SPINDOC: variants seen among roughly 807,000 people sequenced by gnomAD.
The protein encoded by SPINDOC is spindlin interactor and repressor of chromatin-binding protein.
SPINDOC carries 13 observed loss-of-function variants against 30.7 expected under a neutral mutation model. The observed-to-expected ratio is 0.42, with a 90% CI of 0.28 to 0.67. The LOEUF (loss-of-function observed/expected upper bound fraction) is 0.67, where lower values mean the gene tolerates loss of function less well. Ranked by LOEUF, SPINDOC falls within the 30% of genes least tolerant of loss-of-function variation. SPINDOC has a pLI of 0.22. For missense variants in SPINDOC, 438 were observed against 518.0 expected, an observed-to-expected ratio of 0.85 and a Z score of 1.50; for synonymous variants, 228 against 211.4, an observed-to-expected ratio of 1.08 and a Z score of -0.68.
intron 1 of SPINDOC, among the ~76,000 whole-genome samples, chr11:63,815,807 G>C (rs1226483038): frequency 7.0e-6 from 1 of 142,358 alleles, no homozygotes; most frequent in Non-Finnish European, 1.5e-5. Flanking sequence ...TGCTCTTTTT[G>C]CCCAAGCTGT....
chr11:63,826,384 C>T (rs369201274), intron 5 of SPINDOC, among the ~76,000 whole-genome samples: 1 of 152,236 alleles, frequency 6.6e-6, no homozygotes, highest in Admixed American at 6.5e-5. Context: ...GTAAGGTGGA[C>T]ACCTGGTCTT....
At position 63,818,849 on chromosome 11, in the gene SPINDOC, G is replaced by C; in HGVS notation, c.781G>C (p.Glu261Gln). The change falls in exon 5 of 6, where the codon GAG becomes CAG. Residue 261 changes from glutamate (E) to glutamine (Q), a missense_variant. This residue lies in a region of SPINDOC where 300 missense variants were observed against 332.8 expected (regional missense o/e 0.90). Coordinates refer to ENST00000294244, the MANE Select transcript of SPINDOC (RefSeq NM_138471.3). This position sits in a 1 kb window ranked among gnomAD's most constrained non-coding sequence, Gnocchi z 5.3. ...SPTETFAAPA[E>Q]VRHFTDGSFP... Reference sequence around the variant, plus strand: ...CACGGAGACTTTCGCAGCACCAGCCGAGGTCCGACACTTCACTGACGGCAG... The same window carrying C: ...CACGGAGACTTTCGCAGCACCAGCCCAGGTCCGACACTTCACTGACGGCAG... The C allele has an allele frequency of 6.2e-7, 1 of 1,613,976 alleles. No individual in the cohort carries two copies. Among genetic ancestry groups the C allele is most frequent in the Non-Finnish European group, 8.5e-7 (1 of 1,180,026 alleles).
rs557090142 is a variant in SPINDOC at position 63,823,234 on chromosome 11, C to T, written c.935-3694C>T. 2.4e-5 allele frequency: 31 copies of T among 1,287,400 alleles called. No homozygotes were observed. The African/African-American group carries it at 2.7e-4, about 11-fold the overall frequency. 79.7% of individuals were successfully genotyped at this position (1,287,400 alleles called of 1,614,324 possible). A position where few individuals can be genotyped will look rare whatever the true frequency, so the allele number is the denominator to read the frequency against. Reference sequence around the variant, plus strand: ...GGACCTGTGGTTTCAGACGATCTCACGAACCCAAAGCTTGGACAGATTTCT... The same window carrying T: ...GGACCTGTGGTTTCAGACGATCTCATGAACCCAAAGCTTGGACAGATTTCT... On this transcript the variant is annotated intron_variant, in intron 5 of 5. Transcript: ENST00000294244.
chr11:63,817,635 G>A (rs1462420998), intron 1 of SPINDOC, among the ~76,000 whole-genome samples, 170 bp from the exon 2 acceptor site: 2 of 152,202 alleles, frequency 1.3e-5, no homozygotes, highest in African/African-American at 2.4e-5. Context: ...CACATCGGCT[G>A]TGTTGAGTGT....
intron 5 of SPINDOC, chr11:63,823,435 G>C: frequency 1.3e-6 from 1 of 779,590 alleles, no homozygotes; most frequent in Non-Finnish European, 1.7e-6. Flanking sequence ...GGTTAGCTGA[G>C]CTGATGAATG....
chr11:63,822,046 G>A (rs2015536155), intron 5 of SPINDOC, among the ~76,000 whole-genome samples: 1 of 152,094 alleles, frequency 6.6e-6, no homozygotes, highest in African/African-American at 2.4e-5. Context: ...TTTGCATAAA[G>A]AAAAAAGCCT....
In SPINDOC at chr11:63,818,887, C is replaced by T; in HGVS notation, c.819C>T (p.Gly273=). 2 of 1,614,184 alleles carry T rather than the reference C, an allele frequency of 1.2e-6. No homozygotes were observed. Among genetic ancestry groups the T allele is most frequent in the Non-Finnish European group, 1.7e-6 (2 of 1,180,044 alleles). The change falls in exon 5 of 6, where the codon GGC becomes GGT. Residue 273 remains glycine (G), a synonymous_variant. Coordinates refer to ENST00000294244, the MANE Select transcript of SPINDOC (RefSeq NM_138471.3). This position sits in a 1 kb window ranked among gnomAD's most constrained non-coding sequence, Gnocchi z 5.3. ...TCACTGACGGCAGCTTCCCCGCCGG[C>T]TTCGTCTTGCAGCTCTTCTCCCACA... is the stretch of plus-strand genomic sequence containing the variant. ...RHFTDGSFPA[G]FVLQLFSHTQ... is the part of the protein sequence containing the mutation.
chr11:63,818,655 G>A lies in SPINDOC; in HGVS notation c.733+3G>A, dbSNP rs1303901287. 6.2e-7 allele frequency: 1 copy of A among 1,613,572 alleles called. No individual in the cohort carries two copies. The stretch of plus-strand genomic sequence containing the variant: ...CAAAAACCTGGACCCTGACCCAGGT[G>A]AAGGGGAGGCCCGGGGGAGGCGTGG... On this transcript the variant is annotated splice_donor_region_variant and intron_variant, in intron 4 of 5. Coordinates refer to ENST00000294244, the MANE Select transcript of SPINDOC (RefSeq NM_138471.3). This position sits in a 1 kb window ranked among gnomAD's most constrained non-coding sequence, Gnocchi z 5.3.
intron 1 of SPINDOC, among the ~76,000 whole-genome samples, chr11:63,814,341 C>T (rs1333210029): frequency 1.3e-5 from 2 of 152,198 alleles, no homozygotes; most frequent in Non-Finnish European, 2.9e-5. Flanking sequence ...ATTCCCATTC[C>T]CGGGCCTTCC....
Position 63,827,321 on chromosome 11 carries a change from C to T in SPINDOC, c.*182C>T. 1 of 1,192,636 alleles carries T rather than the reference C, an allele frequency of 8.4e-7. No individual in the cohort carries two copies. Among genetic ancestry groups the T allele is most frequent in the Non-Finnish European group, 1.2e-6 (1 of 866,890 alleles). 73.9% of individuals were successfully genotyped at this position (1,192,636 alleles called of 1,614,324 possible). On this transcript the variant is annotated 3_prime_UTR_variant, in exon 6 of 6. Coordinates refer to ENST00000294244, the MANE Select transcript of SPINDOC (RefSeq NM_138471.3). The stretch of plus-strand genomic sequence containing the variant: ...TGGAAAGTGTCTGTTCCTGGCCAGG[C>T]CTGAGGTCGGCGAGGGTGGCTGAGG...
Position 63,818,827 on chromosome 11 carries a change from G to A in SPINDOC, c.759G>A (p.Thr253=), listed in dbSNP as rs201086880. 85 of 1,613,962 alleles carry A rather than the reference G, an allele frequency of 5.3e-5. No homozygotes were observed. The East Asian group carries it at 1.0e-3, about 20-fold the overall frequency. ...DPEPPSPDSP[T]ETFAAPAEVR... Reference sequence around the variant, plus strand: ...AGCCCCCATCGCCAGACTCGCCCACGGAGACTTTCGCAGCACCAGCCGAGG... The same window carrying A: ...AGCCCCCATCGCCAGACTCGCCCACAGAGACTTTCGCAGCACCAGCCGAGG... Residue 253 remains threonine (T), a synonymous_variant, in exon 5 of 6, where the codon ACG becomes ACA. Coordinates refer to ENST00000294244, the MANE Select transcript of SPINDOC (RefSeq NM_138471.3). This position sits in a 1 kb window ranked among gnomAD's most constrained non-coding sequence, Gnocchi z 5.3.
In SPINDOC at chr11:63,818,154, G is replaced by C; in HGVS notation, c.457+20G>C. On this transcript the variant is annotated intron_variant, in intron 2 of 5. Coordinates refer to ENST00000294244, the MANE Select transcript of SPINDOC (RefSeq NM_138471.3). The surrounding 1 kb of genome is among the most constrained non-coding windows in gnomAD (Gnocchi z 5.3). ...ACTCAGGTAGTTGGTCCTGGGGCTG[G>C]CGAAGGGAGAAGTCGGACTTGTTGG... The C allele has an allele frequency of 6.2e-7, 1 of 1,613,322 alleles. No homozygotes were observed. The highest frequency in any genetic ancestry group is 2.2e-5 in the East Asian group (1 of 44,860).
In SPINDOC at chr11:63,819,352, A is replaced by T. The variant is rs188384843; in HGVS notation, c.934+350A>T. Among the ~76,000 whole-genome samples, 209 of 152,290 alleles carry T rather than the reference A, an allele frequency of 1.4e-3. 1 individual carries two copies. The East Asian group carries it at 0.037, about 27-fold the overall frequency. On this transcript the variant is annotated intron_variant, in intron 5 of 5. Transcript: ENST00000294244. ...CACCCTCCCTAGTAGCTGGGATTAC[A>T]GGCGTGCGCCACCATACCCGGCTAA... is the stretch of plus-strand genomic sequence containing the variant.
At chr11:63,822,571 T>C in intron 5 of SPINDOC, 1 of 1,284,174 alleles carries the variant, frequency 7.8e-7, no homozygotes, top group Non-Finnish European at 1.0e-6. Context: ...AGCCCCCCGT[T>C]TTCTGATCTC....
rs151186086 is a variant in SPINDOC at position 63,815,269 on chromosome 11, C to T, written c.127+1456C>T. On this transcript the variant is annotated intron_variant, in intron 1 of 5. Transcript: ENST00000294244. ...ACCTTGCAGATATCTGCAGGAAGAG[C>T]ATTTCAGGCCGAATAGCAAGTGCAA... 4.4e-3 allele frequency among the ~76,000 whole-genome samples: 668 copies of T among 152,316 alleles called. 3 individuals carry two copies. Among genetic ancestry groups the T allele is most frequent in the African/African-American group, 0.015 (641 of 41,568 alleles).
intron 1 of SPINDOC, among the ~76,000 whole-genome samples, chr11:63,814,868 A>T (rs1392074188): frequency 6.6e-6 from 1 of 152,228 alleles, no homozygotes; most frequent in African/African-American, 2.4e-5. Context: ...AGGCTGTCTC[A>T]GTTAATCCTC....
At chr11:63,824,011 G>A (rs1389122995) in intron 5 of SPINDOC, among the ~76,000 whole-genome samples, 1 of 151,458 alleles carries the variant, frequency 6.6e-6, no homozygotes, top group Non-Finnish European at 1.5e-5. Flanking sequence ...AAGTTCAAGC[G>A]ATTCTCCTTC....
intron 5 of SPINDOC, among the ~76,000 whole-genome samples, chr11:63,823,634 C>T (rs771300876): frequency 2.6e-5 from 4 of 152,088 alleles, no homozygotes; most frequent in African/African-American, 4.8e-5. Flanking sequence ...CTCGCTCTGT[C>T]GCCCAGGCTG....
At chr11:63,816,201 CA>C (rs974633609) in intron 1 of SPINDOC, among the ~76,000 whole-genome samples, 1 of 152,020 alleles carries the variant, frequency 6.6e-6, no homozygotes, top group African/African-American at 2.4e-5. Context: ...AGATGGTCTT[CA>C]GCAACAAGCC....
Sources: allele counts gnomAD v4.1 joint callset (sites outside exome capture counted in the v4.1 genomes callset), GRCh38; gene constraint gnomAD v4.1.1; regional missense constraint gnomAD v4.1.1; non-coding constraint Gnocchi (gnomAD v3.1); transcripts MANE v1.5; gene names NCBI Gene and HGNC (gene_info 2026-07-23, HGNC 2026-07-21).